The following PTPRG variants were observed in gnomAD, a reference collection of about 807,000 sequenced individuals.
The protein encoded by PTPRG is protein tyrosine phosphatase receptor type G.
Under a neutral mutation model 165.3 loss-of-function variants are expected in PTPRG, and 102 were observed. The ratio of observed to expected loss-of-function variants is 0.62; its 90% confidence interval spans 0.53 to 0.73. PTPRG has a LOEUF of 0.73. PTPRG is among the 30% of genes least tolerant of loss of function. The probability of loss-of-function intolerance (pLI) is 0.00; values close to 1 mark genes in which losing one functional copy is unlikely to be tolerated. For missense variants in PTPRG, 1,866 were observed against 1,861.4 expected (o/e 1.00, Z -0.05); for synonymous variants, 675 against 669.5 (o/e 1.01, Z -0.13).
In PTPRG at chr3:61,880,622, CAA is replaced by C. The variant is rs35846878; in HGVS notation, c.191-108982_191-108981del. On this transcript the variant is annotated intron_variant, in intron 2 of 29. Transcript: ENST00000474889. Reference sequence around the variant, plus strand: ...TTGGGTGACAACGCGAACCCTGTCTCAAAAAAAAAAAAAAAAAAAAAAGAGAG... The same window carrying C: ...TTGGGTGACAACGCGAACCCTGTCTCAAAAAAAAAAAAAAAAAAAAGAGAG... Among the ~76,000 whole-genome samples, 134 of 80,210 alleles carry C rather than the reference CAA, an allele frequency of 1.7e-3. 1 individual carries two copies. Among genetic ancestry groups the C allele is most frequent in the African/African-American group, 4.0e-3 (89 of 22,448 alleles). 52.6% of individuals were successfully genotyped at this position (80,210 alleles called of 152,430 possible).
At chr3:61,667,070 C>T (rs1289046348) in intron 1 of PTPRG, among the ~76,000 whole-genome samples, 2 of 152,182 alleles carry the variant, frequency 1.3e-5, no homozygotes, top group Non-Finnish European at 2.9e-5. Flanking sequence ...TCTGTTCCTT[C>T]CTGTTGCCTT....
chr3:61,860,265 T>C (rs1017154868), intron 2 of PTPRG, among the ~76,000 whole-genome samples: 1 of 152,146 alleles, frequency 6.6e-6, no homozygotes, highest in Non-Finnish European at 1.5e-5. Context: ...TGTCCCCTAG[T>C]CATGCTATTC....
intron 2 of PTPRG, among the ~76,000 whole-genome samples, chr3:61,800,885 C>A (rs2107169501): frequency 6.6e-6 from 1 of 152,138 alleles, no homozygotes; most frequent in Admixed American, 6.5e-5. Flanking sequence ...CTCAGGTGAT[C>A]CACCCGCCGT....
intron 1 of PTPRG, among the ~76,000 whole-genome samples, chr3:61,564,926 G>A (rs1188809086): frequency 2.6e-5 from 4 of 152,238 alleles, no homozygotes; most frequent in Non-Finnish European, 5.9e-5. Context: ...GTTAGCCTTG[G>A]GACCCCTACT....
At chr3:61,607,203 C>A (rs758306676) in intron 1 of PTPRG, among the ~76,000 whole-genome samples, 10 of 152,164 alleles carry the variant, frequency 6.6e-5, no homozygotes, top group Non-Finnish European at 1.0e-4. Flanking sequence ...ATTCTGTGTA[C>A]CTCCTTCCTT....
At chr3:61,732,542 T>C (rs2032546815) in intron 1 of PTPRG, among the ~76,000 whole-genome samples, 1 of 145,576 alleles carries the variant, frequency 6.9e-6, no homozygotes, top group Admixed American at 6.9e-5. Flanking sequence ...ACCCCGTCTC[T>C]ACTAAAAATA....
chr3:61,930,389 C>A (rs1041119119), intron 2 of PTPRG, among the ~76,000 whole-genome samples: 1 of 152,170 alleles, frequency 6.6e-6, no homozygotes, highest in African/African-American at 2.4e-5. Context: ...GTCAGTGATT[C>A]CCTGGAGGTC....
intron 1 of PTPRG, among the ~76,000 whole-genome samples, chr3:61,610,773 A>ACCCCCCCCCCCCCCCCCCCCCCCCCC (rs1553640600): frequency 4.7e-5 from 2 of 42,668 alleles, no homozygotes; most frequent in Admixed American, 5.6e-4. Context: ...CTCCCTCCCT[A>ACCCCCCCCCCCCCCCCCCCCCCCCCC]CCTCCCTCCC....
intron 2 of PTPRG, among the ~76,000 whole-genome samples, chr3:61,758,501 G>A (rs987327283): frequency 3.9e-5 from 6 of 152,122 alleles, no homozygotes; most frequent in African/African-American, 1.4e-4. Flanking sequence ...GCCCAGGCTG[G>A]AGTGAAGTGG....
intron 8 of PTPRG, among the ~76,000 whole-genome samples, chr3:62,173,248 T>C (rs1705287284): frequency 6.6e-6 from 1 of 152,016 alleles, no homozygotes. Flanking sequence ...CTATTTTTTA[T>C]TGTTTTTTTT....
intron 1 of PTPRG, among the ~76,000 whole-genome samples, chr3:61,667,921 A>AT (rs1354238019): frequency 4.6e-5 from 7 of 152,118 alleles, no homozygotes; most frequent in South Asian, 2.1e-4. Flanking sequence ...CCTACTGCCT[A>AT]TTTTTTTGTA....
At chr3:61,647,215 C>G (rs919120548) in intron 1 of PTPRG, among the ~76,000 whole-genome samples, 1 of 152,192 alleles carries the variant, frequency 6.6e-6, no homozygotes, top group Non-Finnish European at 1.5e-5. Context: ...CACGTGATAA[C>G]TGGAATTGGC....
At chr3:62,288,708 G>A (rs1434913041) in intron 28 of PTPRG, among the ~76,000 whole-genome samples, 1 of 151,042 alleles carries the variant, frequency 6.6e-6, no homozygotes, top group Non-Finnish European at 1.5e-5. Context: ...TTGTTAATTT[G>A]CTTAGGTGTG....
chr3:62,125,875 G>A (rs1340017756), intron 5 of PTPRG, among the ~76,000 whole-genome samples: 1 of 152,050 alleles, frequency 6.6e-6, no homozygotes, highest in Non-Finnish European at 1.5e-5. Context: ...GGCTTGAAAT[G>A]CTGTAAAGCC....
At chr3:61,869,790 G>T (rs2037512811) in intron 2 of PTPRG, among the ~76,000 whole-genome samples, 2 of 150,448 alleles carry the variant, frequency 1.3e-5, no homozygotes, top group Non-Finnish European at 3.0e-5. Context: ...TTGCAGAGAT[G>T]AGGTTTTCCC....
At chr3:61,632,882 C>A (rs762965541) in intron 1 of PTPRG, among the ~76,000 whole-genome samples, 1 of 152,174 alleles carries the variant, frequency 6.6e-6, no homozygotes, top group Non-Finnish European at 1.5e-5. Flanking sequence ...CTGCAAGATT[C>A]CACATGATCC....
chr3:62,181,394 C>T (rs1705643669), intron 8 of PTPRG, among the ~76,000 whole-genome samples: 1 of 151,922 alleles, frequency 6.6e-6, no homozygotes, highest in Non-Finnish European at 1.5e-5. Context: ...TTTCTCATCA[C>T]AGGGCCTTTG....
intron 4 of PTPRG, among the ~76,000 whole-genome samples, chr3:62,070,237 A>G (rs1017535494): frequency 6.6e-6 from 1 of 152,214 alleles, no homozygotes; most frequent in African/African-American, 2.4e-5. Context: ...ATTTAGCAGA[A>G]CCATACCTGG....
rs138397752 is a variant in PTPRG at position 61,643,168 on chromosome 3, T to C, written c.85+80796T>C. The stretch of plus-strand genomic sequence containing the variant: ...TTTGAGACATATCCATGAAAGTCTG[T>C]AGTCTCAGCTACCTGGGCGGCTGAA... On this transcript the variant is annotated intron_variant, in intron 1 of 29. Coordinates refer to ENST00000474889, the MANE Select transcript of PTPRG (RefSeq NM_002841.4). Among the ~76,000 whole-genome samples, 58 of 152,272 alleles carry C rather than the reference T, an allele frequency of 3.8e-4. No individual in the cohort carries two copies. The East Asian group carries it at 0.011, about 28-fold the overall frequency.
Sources: allele counts gnomAD v4.1 joint callset (sites outside exome capture counted in the v4.1 genomes callset), GRCh38; gene constraint gnomAD v4.1.1; transcripts MANE v1.5; gene names NCBI Gene and HGNC (gene_info 2026-07-23, HGNC 2026-07-21).